Variants in MLLT3 observed in about 807,000 individuals in gnomAD.
MLLT3 encodes the protein protein AF-9.
Under a neutral mutation model 53.2 loss-of-function variants are expected in MLLT3, and 4 were observed. The observed-to-expected ratio is 0.08, with a 90% CI of 0.04 to 0.17. MLLT3 has a LOEUF of 0.17. Among genes scored for constraint, MLLT3 ranks in the 10% least tolerant of loss-of-function variants. The pLI, the probability that MLLT3 is intolerant of heterozygous loss-of-function variation, is 1.00. For synonymous variants in MLLT3, 283 were observed against 230.6 expected, an observed-to-expected ratio of 1.23 and a Z score of -2.06; for missense variants, 569 against 684.0, an observed-to-expected ratio of 0.83 and a Z score of 1.87.
chr9:20,561,015 G>A (rs1819195431), intron 2 of MLLT3, among the ~76,000 whole-genome samples: 1 of 152,082 alleles, frequency 6.6e-6, no homozygotes, highest in Non-Finnish European at 1.5e-5. Context: ...AGATAATTTA[G>A]GTATACTGTT....
chr9:20,444,761 A>G (rs1008669206), intron 4 of MLLT3, among the ~76,000 whole-genome samples: 2 of 152,010 alleles, frequency 1.3e-5, no homozygotes, highest in Non-Finnish European at 2.9e-5. Flanking sequence ...AGTCCCAGCT[A>G]CTCAGGAGGC....
intron 2 of MLLT3, among the ~76,000 whole-genome samples, chr9:20,519,016 A>G (rs1817987606): frequency 6.6e-6 from 1 of 152,210 alleles, no homozygotes; most frequent in Admixed American, 6.5e-5. Context: ...CTTCCTATAA[A>G]AGGTAAAAAA....
chr9:20,537,649 C>T (rs915587267), intron 2 of MLLT3, among the ~76,000 whole-genome samples: 2 of 152,052 alleles, frequency 1.3e-5, no homozygotes, highest in African/African-American at 4.8e-5. Context: ...AATATTTGGA[C>T]TAATTCAGAT....
chr9:20,404,161 AT>A (rs796589878), intron 5 of MLLT3, among the ~76,000 whole-genome samples: 22 of 152,308 alleles, frequency 1.4e-4, no homozygotes, highest in African/African-American at 4.8e-4. Flanking sequence ...TTTGAGAAAG[AT>A]TCTGCTTTTA....
chr9:20,344,847 T>G lies in MLLT3; in HGVS notation c.*1596A>C, dbSNP rs1421205935. The G allele has an allele frequency of 9.5e-6, 2 of 210,776 alleles. No homozygotes were observed. Among genetic ancestry groups the G allele is most frequent in the Non-Finnish European group, 1.9e-5 (2 of 103,936 alleles). 13.1% of individuals were successfully genotyped at this position (210,776 alleles called of 1,614,324 possible). ...TTAATCTCTGTATGAAAAGACAGCA[T>G]CTGGCATGGGAACAAACAAGGGAGA... On this transcript the variant is annotated 3_prime_UTR_variant, in exon 11 of 11. Coordinates refer to ENST00000380338, the MANE Select transcript of MLLT3 (RefSeq NM_004529.4).
rs908436017 is a variant in MLLT3 at position 20,448,758 on chromosome 9, A to C, written c.277-492T>G. Among the ~76,000 whole-genome samples, 4 of 152,170 alleles carry C rather than the reference A, an allele frequency of 2.6e-5. No homozygotes were observed. The highest frequency in any genetic ancestry group is 5.9e-5 in the Non-Finnish European group (4 of 68,018). ...TCAGGCCTTAAGATTATCTATATGA[A>C]ATAAAAATCTAGCCATTTTCACTTC... On this transcript the variant is annotated intron_variant, in intron 3 of 10. Coordinates refer to ENST00000380338, the MANE Select transcript of MLLT3 (RefSeq NM_004529.4). The surrounding 1 kb of genome is among the most constrained non-coding windows in gnomAD (Gnocchi z 4.0).
intron 2 of MLLT3, among the ~76,000 whole-genome samples, chr9:20,581,202 T>C (rs1819782776): frequency 6.6e-6 from 1 of 152,224 alleles, no homozygotes; most frequent in African/African-American, 2.4e-5. Context: ...CATTGCTGTT[T>C]CTCAAGTTCT....
rs751012619 is a variant in MLLT3 at position 20,414,061 on chromosome 9, T to C, written c.785A>G (p.Glu262Gly). 5.0e-6 allele frequency: 8 copies of C among 1,614,176 alleles called. No individual in the cohort carries two copies. Among genetic ancestry groups the C allele is most frequent in the Non-Finnish European group, 6.8e-6 (8 of 1,180,020 alleles). Residue 262 changes from glutamate (E) to glycine (G), a missense_variant, in exon 5 of 11, where the codon GAG (glutamate) becomes GGG (glycine). By Grantham distance (98) the Glu-to-Gly change is moderately conservative (BLOSUM62 -2). Coordinates refer to ENST00000380338, the MANE Select transcript of MLLT3 (RefSeq NM_004529.4). ...GAGTAAGTTACTATCTGGTTTTGGC[T>C]CTTTTGACATGGGTTTAGGTTCCTT... Reference protein sequence around the residue: ...AFKEPKPMSKEPKPDSNLLTI... With the variant: ...AFKEPKPMSKGPKPDSNLLTI...
chr9:20,565,950 A>T (rs867229546), intron 2 of MLLT3, among the ~76,000 whole-genome samples: 931 of 7,530 alleles, frequency 0.12, 17 homozygotes, highest in African/African-American at 0.28. Context: ...ATATATATAT[A>T]TATTTATATA....
chr9:20,445,311 C>A lies in MLLT3; in HGVS notation c.420+2812G>T, dbSNP rs1402633785. Among the ~76,000 whole-genome samples, 3 of 152,022 alleles carry A rather than the reference C, an allele frequency of 2.0e-5. No individual in the cohort carries two copies. In the East Asian group the frequency reaches 5.8e-4, roughly 29 times the overall value. On this transcript the variant is annotated intron_variant, in intron 4 of 10. Transcript: ENST00000380338. ...CAAGAATATACTTAATATTAGGGAG[C>A]CATGTCACAGAAAAACACAGGGTAT...
intron 2 of MLLT3, among the ~76,000 whole-genome samples, chr9:20,535,970 C>G (rs532275448): frequency 2.0e-5 from 3 of 151,952 alleles, no homozygotes; most frequent in South Asian, 2.1e-4. Flanking sequence ...TTGTAAGGAC[C>G]TCCTGTACTT....
chr9:20,614,288 G>A (rs1192840236), intron 2 of MLLT3, among the ~76,000 whole-genome samples: 1 of 152,092 alleles, frequency 6.6e-6, no homozygotes, highest in Non-Finnish European at 1.5e-5. Flanking sequence ...CAGCTACTCG[G>A]GAGGCTGAGG....
Position 20,349,511 on chromosome 9 carries a change from A to T in MLLT3, c.1576-2937T>A, listed in dbSNP as rs140248510. Among the ~76,000 whole-genome samples, 573 of 151,712 alleles carry T rather than the reference A, an allele frequency of 3.8e-3. 2 individuals carry two copies. Among genetic ancestry groups the T allele is most frequent in the Non-Finnish European group, 6.5e-3 (444 of 67,926 alleles). ...GAGGCAAGAAAATGCAGAAACTAAA[A>T]CTCAGAAAGGCCGGCTTGAATTAAA... On this transcript the variant is annotated intron_variant, in intron 10 of 10. Transcript: ENST00000380338.
chr9:20,488,648 T>C (rs1255395249), intron 2 of MLLT3, among the ~76,000 whole-genome samples: 1 of 152,178 alleles, frequency 6.6e-6, no homozygotes, highest in Non-Finnish European at 1.5e-5. Flanking sequence ...AAAAGCAATA[T>C]ACAGAATCTG....
At chr9:20,613,102 A>T (rs1179847873) in intron 2 of MLLT3, among the ~76,000 whole-genome samples, 1 of 152,164 alleles carries the variant, frequency 6.6e-6, no homozygotes, top group Non-Finnish European at 1.5e-5. Context: ...AAAGAGAATG[A>T]CGTGGCTCTT....
chr9:20,595,363 C>T (rs1820235417), intron 2 of MLLT3, among the ~76,000 whole-genome samples: 1 of 151,588 alleles, frequency 6.6e-6, no homozygotes, highest in Non-Finnish European at 1.5e-5. Context: ...AGAGCAAGAC[C>T]CTATCTCAAA....
chr9:20,582,910 CCTCAAAAT>C (rs1433044334), intron 2 of MLLT3, among the ~76,000 whole-genome samples: 1 of 152,104 alleles, frequency 6.6e-6, no homozygotes, highest in East Asian at 1.9e-4. Flanking sequence ...ACCCCTGGCC[CCTCAAAAT>C]CTCATGTTCT....
intron 5 of MLLT3, among the ~76,000 whole-genome samples, chr9:20,383,430 G>GT (rs1486344668): frequency 1.3e-5 from 2 of 151,922 alleles, no homozygotes; most frequent in South Asian, 2.1e-4. Flanking sequence ...ATCAAACCTG[G>GT]TTTGAATCTC....
chr9:20,427,089 A>G (rs1409944540), intron 4 of MLLT3, among the ~76,000 whole-genome samples: 1 of 152,150 alleles, frequency 6.6e-6, no homozygotes, highest in Admixed American at 6.6e-5. Flanking sequence ...CGAATTCGCG[A>G]TTTAAAAATA....
Sources: allele counts gnomAD v4.1 joint callset (sites outside exome capture counted in the v4.1 genomes callset), GRCh38; gene constraint gnomAD v4.1.1; non-coding constraint Gnocchi (gnomAD v3.1); transcripts MANE v1.5; gene names NCBI Gene and HGNC (gene_info 2026-07-23, HGNC 2026-07-21).